The following TMEM132B variants were observed in gnomAD, a reference collection of about 807,000 sequenced individuals.
The protein encoded by TMEM132B is transmembrane protein 132B.
In TMEM132B, 18 loss-of-function variants were observed where a neutral mutation model predicts 90.8. That is an observed-to-expected ratio of 0.20 (90% CI 0.14 to 0.29). The LOEUF is 0.29. Among genes scored for constraint, TMEM132B ranks in the 10% least tolerant of loss-of-function variants. The pLI, the probability that TMEM132B is intolerant of heterozygous loss-of-function variation, is 1.00. For missense variants in TMEM132B, 1,096 were observed against 1,326.8 expected (o/e 0.83, Z 2.70); for synonymous variants, 504 against 523.3 (o/e 0.96, Z 0.50).
At chr12:125,271,246 A>C (rs1232669646) in intron 1 of TMEM132B, among the ~76,000 whole-genome samples, 1 of 152,154 alleles carries the variant, frequency 6.6e-6, no homozygotes, top group East Asian at 1.9e-4. Flanking sequence ...TGGGATGGAA[A>C]TGTGGTTTTT....
intron 1 of TMEM132B, among the ~76,000 whole-genome samples, chr12:125,314,597 G>C (rs564449651): frequency 6.6e-6 from 1 of 152,222 alleles, no homozygotes; most frequent in African/African-American, 2.4e-5. Flanking sequence ...AGGCTTCAAC[G>C]GGGCAAATTC....
chr12:125,530,794 T>G (rs1359131299), intron 4 of TMEM132B, among the ~76,000 whole-genome samples: 1 of 152,254 alleles, frequency 6.6e-6, no homozygotes, highest in Non-Finnish European at 1.5e-5. Context: ...GTCCTTGCAT[T>G]GAGGGCTCAC....
chr12:125,450,462 G>T (rs930962791), intron 3 of TMEM132B, among the ~76,000 whole-genome samples: 1 of 152,166 alleles, frequency 6.6e-6, no homozygotes, highest in Non-Finnish European at 1.5e-5. Flanking sequence ...ACAAACCCGT[G>T]TAGATAATAA....
rs934631588 is a variant in TMEM132B, at chr12:125,505,187, A to C, written c.1107-14252A>C. ...AGGACAAAAAAAAAAAAAAAAAAAAAAAAAAAAACAGTAAGTGGGGACTTG... is the reference window on the plus strand; with the variant it reads ...AGGACAAAAAAAAAAAAAAAAAAAACAAAAAAAACAGTAAGTGGGGACTTG... On this transcript the variant is annotated intron_variant, in intron 3 of 8. Coordinates refer to ENST00000682704, the MANE Select transcript of TMEM132B (RefSeq NM_001366854.1). Among the ~76,000 whole-genome samples the C allele has an allele frequency of 1.4e-3, 206 of 147,442 alleles. 4 individuals carry two copies. Among genetic ancestry groups the C allele is most frequent in the African/African-American group, 5.1e-3 (197 of 38,978 alleles).
At chr12:125,568,439 G>A (rs1487486684) in intron 4 of TMEM132B, among the ~76,000 whole-genome samples, 1 of 152,034 alleles carries the variant, frequency 6.6e-6, no homozygotes, top group Admixed American at 6.6e-5. Context: ...CTCCCCTTTG[G>A]CCCAGAGCCA....
chr12:125,194,445 G>T (rs990344427), intron 1 of TMEM132B, among the ~76,000 whole-genome samples: 13 of 152,114 alleles, frequency 8.5e-5, no homozygotes, highest in African/African-American at 2.9e-4. Flanking sequence ...GGCTGCAGCC[G>T]GCACTCCTGG....
chr12:125,332,280 A>G, intron 1 of TMEM132B, among the ~76,000 whole-genome samples: 1 of 152,180 alleles, frequency 6.6e-6, no homozygotes, highest in South Asian at 2.1e-4. Context: ...AATGACTATT[A>G]TTATTATTAT....
intron 1 of TMEM132B, among the ~76,000 whole-genome samples, chr12:125,193,148 C>T (rs1383103635): frequency 6.6e-6 from 1 of 152,158 alleles, no homozygotes; most frequent in African/African-American, 2.4e-5. Flanking sequence ...GAATCATGAA[C>T]CATCAGCCGT....
At chr12:125,435,194 C>G (rs1318989616) in intron 3 of TMEM132B, among the ~76,000 whole-genome samples, 1 of 152,170 alleles carries the variant, frequency 6.6e-6, no homozygotes, top group African/African-American at 2.4e-5. Context: ...CCGTGAAACC[C>G]CCATCTCACA....
At chr12:125,595,971 C>T (rs1373786946) in intron 5 of TMEM132B, among the ~76,000 whole-genome samples, 3 of 148,840 alleles carry the variant, frequency 2.0e-5, no homozygotes, top group Non-Finnish European at 4.4e-5. Flanking sequence ...CTCTTTTTTT[C>T]TCTTAAATAT....
intron 1 of TMEM132B, among the ~76,000 whole-genome samples, chr12:125,308,534 T>C (rs557871529): frequency 2.8e-4 from 42 of 152,314 alleles, no homozygotes; most frequent in African/African-American, 9.1e-4. Context: ...GGGTTATGCA[T>C]TTGCCATTTT....
intron 1 of TMEM132B, among the ~76,000 whole-genome samples, chr12:125,248,483 C>G (rs1361187563): frequency 6.6e-6 from 1 of 152,174 alleles, no homozygotes; most frequent in African/African-American, 2.4e-5. Flanking sequence ...TTTTACTACA[C>G]TAACTTTATT....
intron 1 of TMEM132B, among the ~76,000 whole-genome samples, chr12:125,303,434 T>C (rs1875883129): frequency 6.6e-6 from 1 of 152,256 alleles, no homozygotes; most frequent in South Asian, 2.1e-4. Context: ...CTATGAGTGA[T>C]GCTGCTGTGA....
At chr12:125,586,259 A>G (rs570445346) in intron 5 of TMEM132B, 1 of 152,328 alleles carries the variant, frequency 6.6e-6, no homozygotes, top group East Asian at 1.9e-4. Flanking sequence ...GAAAAATGTG[A>G]ATTTAGAAAG....
intron 4 of TMEM132B, among the ~76,000 whole-genome samples, chr12:125,558,329 G>C (rs1267927168): frequency 6.6e-6 from 1 of 152,084 alleles, no homozygotes; most frequent in Non-Finnish European, 1.5e-5. Flanking sequence ...AGAACTTACA[G>C]GTTTCTTAGG....
intron 1 of TMEM132B, among the ~76,000 whole-genome samples, chr12:125,247,396 C>T (rs1165250885): frequency 2.0e-5 from 3 of 152,122 alleles, no homozygotes; most frequent in African/African-American, 7.2e-5. Context: ...TGGAGGTTCT[C>T]CTAAGATTCT....
chr12:125,275,998 G>A (rs1874976251), intron 1 of TMEM132B, among the ~76,000 whole-genome samples: 1 of 152,156 alleles, frequency 6.6e-6, no homozygotes, highest in Non-Finnish European at 1.5e-5. Context: ...AAAGGTGTGA[G>A]CCACTGTGCC....
intron 1 of TMEM132B, among the ~76,000 whole-genome samples, chr12:125,289,875 T>C (rs1875484978): frequency 6.6e-6 from 1 of 152,204 alleles, no homozygotes; most frequent in Admixed American, 6.5e-5. Flanking sequence ...GCTACAGCAG[T>C]CTCAAAAGTC....
Position 125,209,756 on chromosome 12 carries a change from A to G in TMEM132B, c.67+22890A>G, listed in dbSNP as rs944138357. ...TGTTATCTGATGGAATGCAAGGGTT[A>G]CTAATTTTATTAAAGAACACAATGA... On this transcript the variant is annotated intron_variant, in intron 1 of 8. Coordinates refer to ENST00000682704, the MANE Select transcript of TMEM132B (RefSeq NM_001366854.1). This position sits in a 1 kb window ranked among gnomAD's most constrained non-coding sequence, Gnocchi z 4.4. Among the ~76,000 whole-genome samples the G allele has an allele frequency of 1.3e-5, 2 of 152,194 alleles. No homozygotes were observed. Among genetic ancestry groups the G allele is most frequent in the African/African-American group, 2.4e-5 (1 of 41,452 alleles).
Sources: gnomAD v4.1 joint callset for allele counts (sites outside exome capture counted in the v4.1 genomes callset) on GRCh38, gnomAD v4.1.1 for gene constraint, Gnocchi (gnomAD v3.1) non-coding constraint, MANE v1.5 for transcripts, NCBI Gene and HGNC (gene_info 2026-07-23, HGNC 2026-07-21) for gene names.